Variants in DDX46 observed in about 807,000 individuals in gnomAD.
The protein encoded by DDX46 is DEAD-box helicase 46.
A neutral mutation model predicts 134.9 loss-of-function variants in DDX46; 30 were observed. That is an observed-to-expected ratio of 0.22 (90% CI 0.17 to 0.30). DDX46 has a LOEUF of 0.30. DDX46 is among the 10% of genes least tolerant of loss of function. DDX46 has a pLI of 1.00. For missense variants in DDX46, 622 were observed against 1,248.7 expected, an observed-to-expected ratio of 0.50 and a Z score of 7.56; for synonymous variants, 415 against 404.1, an observed-to-expected ratio of 1.03 and a Z score of -0.32.
At chr5:134,791,341 A>G (rs563840466) in intron 13 of DDX46, among the ~76,000 whole-genome samples, 40 of 152,152 alleles carry the variant, frequency 2.6e-4, no homozygotes, top group Non-Finnish European at 3.4e-4. Context: ...AAGGTGGTAG[A>G]TGAGGTCAGG....
intron 1 of DDX46, among the ~76,000 whole-genome samples, 181 bp downstream of exon 1, chr5:134,759,136 C>A (rs1285387605): frequency 6.6e-6 from 1 of 152,140 alleles, no homozygotes; most frequent in African/African-American, 2.4e-5. Flanking sequence ...TTTGGGCCAG[C>A]GACGGCTTCC....
At chr5:134,806,850 G>A (rs966400058) in intron 15 of DDX46, among the ~76,000 whole-genome samples, 5 of 152,074 alleles carry the variant, frequency 3.3e-5, no homozygotes, top group African/African-American at 9.7e-5. Flanking sequence ...TGGGCATGTC[G>A]TAATAGAACT....
intron 22 of DDX46, among the ~76,000 whole-genome samples, chr5:134,828,252 T>TG (rs563212792): frequency 1.4e-5 from 2 of 141,692 alleles, no homozygotes; most frequent in African/African-American, 5.2e-5. Context: ...CTTTTTTTGT[T>TG]GGGGGGTGGG....
chr5:134,769,670 C>T (rs936625596), intron 3 of DDX46, among the ~76,000 whole-genome samples: 1 of 151,632 alleles, frequency 6.6e-6, no homozygotes, highest in African/African-American at 2.4e-5. Context: ...CCTCCCACCC[C>T]TGAGTAGCTG....
intron 21 of DDX46, among the ~76,000 whole-genome samples, chr5:134,821,430 G>A (rs1755446258): frequency 1.3e-5 from 2 of 151,922 alleles, no homozygotes; most frequent in Non-Finnish European, 2.9e-5. Context: ...ACCTGCCTCT[G>A]CCTCCCAAAG....
intron 13 of DDX46, among the ~76,000 whole-genome samples, chr5:134,792,856 A>G (rs1302686376): frequency 6.6e-6 from 1 of 152,214 alleles, no homozygotes; most frequent in Non-Finnish European, 1.5e-5. Flanking sequence ...TTTGTTGATA[A>G]CTGAAAACCT....
At chr5:134,828,294 A>G (rs1755643604) in intron 22 of DDX46, among the ~76,000 whole-genome samples, 2 of 152,188 alleles carry the variant, frequency 1.3e-5, no homozygotes, top group African/African-American at 2.4e-5. Flanking sequence ...AAGTGGGTTC[A>G]CAAAACAAGA....
chr5:134,802,166 T>C (rs900314659), intron 15 of DDX46, among the ~76,000 whole-genome samples: 24 of 147,300 alleles, frequency 1.6e-4, no homozygotes, highest in Non-Finnish European at 3.0e-4. Flanking sequence ...TTTCTTTTTT[T>C]TTTTTTTTTT....
At chr5:134,796,252 C>A in intron 15 of DDX46, 102 bp downstream of exon 15, 2 of 1,297,952 alleles carry the variant, frequency 1.5e-6, no homozygotes, top group Non-Finnish European at 2.1e-6. Flanking sequence ...TAATTCAGAA[C>A]TAAATTTTAT....
At chr5:134,827,121 G>A (rs1755611541) in intron 22 of DDX46, 101 bp downstream of exon 22, 1 of 1,213,260 alleles carries the variant, frequency 8.2e-7, no homozygotes, top group East Asian at 2.6e-5. Context: ...ATAGTTTGAT[G>A]AATTTTCACA....
At chr5:134,787,865 C>T (rs757878447) in intron 11 of DDX46, among the ~76,000 whole-genome samples, 2 of 142,868 alleles carry the variant, frequency 1.4e-5, no homozygotes, top group African/African-American at 5.3e-5. Flanking sequence ...AATAAATTAG[C>T]GAGTGCCTGT....
At chr5:134,811,485 G>C in intron 17 of DDX46, 127 bp downstream of exon 17, 1 of 1,323,784 alleles carries the variant, frequency 7.6e-7, no homozygotes, top group South Asian at 1.5e-5. Context: ...TTTCTCTCTA[G>C]AGGGAAAAAT....
chr5:134,807,360 C>G (rs1057007775), intron 15 of DDX46, among the ~76,000 whole-genome samples: 2 of 152,064 alleles, frequency 1.3e-5, no homozygotes, highest in Non-Finnish European at 2.9e-5. Context: ...TGATGCTGCT[C>G]TGGTCCTTGG....
intron 22 of DDX46, among the ~76,000 whole-genome samples, chr5:134,827,609 C>T (rs1022956515): frequency 1.3e-5 from 2 of 152,146 alleles, no homozygotes; most frequent in Non-Finnish European, 2.9e-5. Flanking sequence ...ATTAGTTTTT[C>T]CTGTTTTTGA....
chr5:134,821,676 C>A (rs144046478), intron 21 of DDX46, among the ~76,000 whole-genome samples: 1,659 of 151,706 alleles, frequency 0.011, 19 homozygotes, highest in Non-Finnish European at 0.017. Context: ...ATTGCCTCAG[C>A]CTCCCGAGTA....
intron 15 of DDX46, among the ~76,000 whole-genome samples, chr5:134,803,684 T>C (rs190332729): frequency 1.3e-5 from 2 of 152,334 alleles, no homozygotes; most frequent in African/African-American, 4.8e-5. Context: ...CTGGTGTCTT[T>C]ACGTAGTTGC....
At chr5:134,794,757 G>A in intron 13 of DDX46, 93 bp from the exon 14 acceptor site, 1 of 1,485,232 alleles carries the variant, frequency 6.7e-7, no homozygotes. Flanking sequence ...TGAGACAGTT[G>A]TTCTCAAAAG....
In DDX46 at chr5:134,805,333, A is replaced by C. The variant is rs534984346; in HGVS notation, c.1955-2415A>C. 2.0e-5 allele frequency among the ~76,000 whole-genome samples: 3 copies of C among 151,830 alleles called. No homozygotes were observed. In the South Asian group the frequency reaches 6.3e-4, roughly 32 times the overall value. The stretch of plus-strand genomic sequence containing the variant: ...TAGGCGCCTGCCACCACGCCTGGCT[A>C]AATTTTGTATTTTTAGTAGAGACGG... On this transcript the variant is annotated intron_variant, in intron 15 of 22. Coordinates refer to ENST00000452510, the MANE Select transcript of DDX46 (RefSeq NM_001300860.2).
chr5:134,825,563 C>G (rs1056141359), intron 21 of DDX46, among the ~76,000 whole-genome samples: 4 of 152,154 alleles, frequency 2.6e-5, no homozygotes, highest in African/African-American at 7.2e-5. Flanking sequence ...TTTAAAAATA[C>G]ACGGAATGAT....
Sources: allele counts gnomAD v4.1 joint callset (sites outside exome capture counted in the v4.1 genomes callset), GRCh38; gene constraint gnomAD v4.1.1; transcripts MANE v1.5; gene names NCBI Gene and HGNC (gene_info 2026-07-23, HGNC 2026-07-21).